FAM135A: variants seen among roughly 807,000 people sequenced by gnomAD.
FAM135A encodes the protein protein FAM135A.
FAM135A carries 79 observed loss-of-function variants against 146.8 expected under a neutral mutation model. The observed-to-expected ratio is 0.54, with a 90% CI of 0.45 to 0.65. FAM135A has a LOEUF of 0.65. Among genes scored for constraint, FAM135A ranks in the 30% least tolerant of loss-of-function variants. The pLI is 0.00. For missense variants in FAM135A, 1,623 were observed against 1,758.2 expected (o/e 0.92, Z 1.38); for synonymous variants, 562 against 603.6 (o/e 0.93, Z 1.01).
At chr6:70,499,081 A>C (rs1787943113) in intron 11 of FAM135A, among the ~76,000 whole-genome samples, 1 of 152,180 alleles carries the variant, frequency 6.6e-6, no homozygotes, top group Non-Finnish European at 1.5e-5. Context: ...GGGGTTTTAA[A>C]GACTCCTACT....
intron 5 of FAM135A, among the ~76,000 whole-genome samples, chr6:70,457,688 G>T (rs1319216598): frequency 2.0e-5 from 3 of 152,092 alleles, no homozygotes; most frequent in Admixed American, 1.3e-4. Flanking sequence ...CTAAATACTG[G>T]TTGGAAAGGA....
At chr6:70,470,873 G>T (rs1781499051) in intron 5 of FAM135A, among the ~76,000 whole-genome samples, 2 of 152,200 alleles carry the variant, frequency 1.3e-5, no homozygotes, top group African/African-American at 4.8e-5. Flanking sequence ...AGTTTGTCTA[G>T]GTGCATCTGC....
chr6:70,528,468 G>A lies in FAM135A; in HGVS notation c.3775+16G>A. Reference sequence around the variant, plus strand: ...GGTTTAGATGGTATGTGACATCTATGGATGTAACCCAGAGCAACTCAATAT... The same window carrying A: ...GGTTTAGATGGTATGTGACATCTATAGATGTAACCCAGAGCAACTCAATAT... On this transcript the variant is annotated intron_variant, in intron 16 of 21. Transcript: ENST00000418814. 6.4e-7 allele frequency: 1 copy of A among 1,568,164 alleles called. No individual in the cohort carries two copies. The highest frequency in any genetic ancestry group is 1.2e-5 in the South Asian group (1 of 81,664).
intron 5 of FAM135A, among the ~76,000 whole-genome samples, chr6:70,454,602 G>C (rs142662383): frequency 2.6e-5 from 4 of 152,044 alleles, no homozygotes; most frequent in African/African-American, 9.7e-5. Context: ...TAAGGAAGGG[G>C]TCCAGTTTCA....
chr6:70,544,630 A>G (rs140146779), intron 20 of FAM135A, among the ~76,000 whole-genome samples: 34 of 151,882 alleles, frequency 2.2e-4, no homozygotes, highest in Admixed American at 1.6e-3. Flanking sequence ...AATCCCAGCC[A>G]CTCCAGAGGC....
rs566331257 is a variant in FAM135A, at chr6:70,534,955, A to G, written c.3965+1101A>G. On this transcript the variant is annotated intron_variant, in intron 18 of 21. Transcript: ENST00000418814. Reference sequence around the variant, plus strand: ...GTTCAGGTTTGTTGTTTGGAGGAAGAGATTATTTTCTTGTTGTAATTATTC... The same window carrying G: ...GTTCAGGTTTGTTGTTTGGAGGAAGGGATTATTTTCTTGTTGTAATTATTC... Among the ~76,000 whole-genome samples the G allele has an allele frequency of 2.6e-5, 4 of 152,256 alleles. No individual in the cohort carries two copies. The East Asian group carries it at 5.8e-4, about 22-fold the overall frequency.
chr6:70,486,128 A>C (rs1241433662), intron 10 of FAM135A: 1 of 1,568,110 alleles, frequency 6.4e-7, no homozygotes, highest in Non-Finnish European at 8.7e-7. Context: ...TTGTGAAAGG[A>C]GTATAGTAAC....
intron 12 of FAM135A, among the ~76,000 whole-genome samples, chr6:70,509,545 C>T (rs962109465): frequency 2.6e-5 from 4 of 152,084 alleles, no homozygotes; most frequent in African/African-American, 9.7e-5. Flanking sequence ...GTTTGTTTTT[C>T]CCACAGAATG....
intron 12 of FAM135A, among the ~76,000 whole-genome samples, chr6:70,516,241 G>A (rs1415761822): frequency 1.3e-5 from 2 of 152,056 alleles, no homozygotes; most frequent in African/African-American, 4.8e-5. Context: ...TCCAGACCTA[G>A]GGAACTTTTT....
intron 5 of FAM135A, among the ~76,000 whole-genome samples, chr6:70,461,674 C>T (rs911237374): frequency 3.9e-5 from 6 of 151,982 alleles, no homozygotes; most frequent in African/African-American, 1.2e-4. Context: ...AGAGAACTCC[C>T]GAAAGATCCC....
rs1480150670 is a variant in FAM135A, at chr6:70,526,380, A to G, written c.3296A>G (p.Tyr1099Cys). 1 of 1,613,672 alleles carries G rather than the reference A, an allele frequency of 6.2e-7. No individual in the cohort carries two copies. Among genetic ancestry groups the G allele is most frequent in the East Asian group, 2.2e-5 (1 of 44,864 alleles). Reference protein sequence around the residue: ...EQDQQMVQNGYYEETDYSALD... With the variant: ...EQDQQMVQNGCYEETDYSALD... The stretch of plus-strand genomic sequence containing the variant: ...GATCAACAAATGGTTCAAAATGGGT[A>G]CTATGAAGAAACAGATTATTCAGCT... Residue 1099 changes from tyrosine (Y) to cysteine (C), a missense_variant, in exon 15 of 22, where the codon TAC (tyrosine) becomes TGC (cysteine). By Grantham distance (194) the Tyr-to-Cys change is radical (BLOSUM62 -2). Around this residue, in one of 7 missense-constraint regions of FAM135A, gnomAD observed 1,061 missense variants for 1,113.8 expected, o/e 0.95. Coordinates refer to ENST00000418814, the MANE Select transcript of FAM135A (RefSeq NM_001162529.3).
At chr6:70,456,423 G>A (rs1416688978) in intron 5 of FAM135A, among the ~76,000 whole-genome samples, 1 of 152,138 alleles carries the variant, frequency 6.6e-6, no homozygotes, top group Admixed American at 6.6e-5. Flanking sequence ...ACAGAGAATT[G>A]TTTCTACTTT....
At chr6:70,430,806 C>G (rs549771385) in intron 4 of FAM135A, among the ~76,000 whole-genome samples, 1 of 152,084 alleles carries the variant, frequency 6.6e-6, no homozygotes, top group African/African-American at 2.4e-5. Context: ...ATTTTCCAAC[C>G]CAGCAAGTTC....
At chr6:70,421,445 C>G (rs1210631740) in intron 2 of FAM135A, among the ~76,000 whole-genome samples, 1 of 152,218 alleles carries the variant, frequency 6.6e-6, no homozygotes, top group East Asian at 1.9e-4. Context: ...GAATGTCTTT[C>G]AGATTAATCA....
At chr6:70,423,494 T>A (rs1225453696) in intron 2 of FAM135A, among the ~76,000 whole-genome samples, 1 of 152,230 alleles carries the variant, frequency 6.6e-6, no homozygotes, top group Non-Finnish European at 1.5e-5. Flanking sequence ...CTTGAGGACT[T>A]GGTCCTAATC....
chr6:70,492,120 G>A (rs1006651971), intron 11 of FAM135A, among the ~76,000 whole-genome samples: 6 of 151,540 alleles, frequency 4.0e-5, no homozygotes, highest in African/African-American at 1.5e-4. Flanking sequence ...AGACTTGCTC[G>A]ACTGGATACT....
chr6:70,514,018 A>G (rs1791647492), intron 12 of FAM135A, among the ~76,000 whole-genome samples: 1 of 150,488 alleles, frequency 6.6e-6, no homozygotes, highest in Non-Finnish European at 1.5e-5. Context: ...CTTGCTTAGG[A>G]TTTGCTGATA....
At chr6:70,548,046 C>T (rs1799164273) in intron 20 of FAM135A, among the ~76,000 whole-genome samples, 1 of 152,110 alleles carries the variant, frequency 6.6e-6, no homozygotes, top group African/African-American at 2.4e-5. Context: ...TATTAGCTCC[C>T]AAAATAGACT....
intron 12 of FAM135A, among the ~76,000 whole-genome samples, chr6:70,509,762 A>G (rs927686827): frequency 2.0e-5 from 3 of 152,148 alleles, no homozygotes; most frequent in Admixed American, 6.6e-5. Context: ...CCAAAGTTGC[A>G]TATCTTGTAC....
Sources: gnomAD v4.1 joint callset for allele counts (sites outside exome capture counted in the v4.1 genomes callset) on GRCh38, gnomAD v4.1.1 for gene constraint, gnomAD v4.1.1 regional missense constraint, MANE v1.5 for transcripts, NCBI Gene and HGNC (gene_info 2026-07-23, HGNC 2026-07-21) for gene names.